FBXO40: variants seen among roughly 807,000 people sequenced by gnomAD.
FBXO40 encodes the protein F-box protein 40.
In FBXO40, 50 loss-of-function variants were observed where a neutral mutation model predicts 49.9. The ratio of observed to expected loss-of-function variants is 1.00; its 90% CI spans 0.80 to 1.27. FBXO40 has a LOEUF of 1.27. Among genes scored for constraint, FBXO40 ranks in the 50% most tolerant of loss-of-function variants. The probability of loss-of-function intolerance (pLI) is 0.00; values close to 1 mark genes in which losing one functional copy is unlikely to be tolerated. For synonymous variants in FBXO40, 340 were observed against 320.2 expected (o/e 1.06, Z -0.66); for missense variants, 895 against 870.1 (o/e 1.03, Z -0.36).
At chr3:121,613,548 T>C (rs997280468) in intron 1 of FBXO40, among the ~76,000 whole-genome samples, 12 of 152,220 alleles carry the variant, frequency 7.9e-5, no homozygotes, top group South Asian at 2.1e-4. Flanking sequence ...TTCTGATTAA[T>C]AGACAAGAGA....
At chr3:121,612,619 A>C (rs1304337300) in intron 1 of FBXO40, among the ~76,000 whole-genome samples, 2 of 152,046 alleles carry the variant, frequency 1.3e-5, no homozygotes. Context: ...TATCCTGACT[A>C]ACCATTAGGA....
chr3:121,619,823 C>T (rs1352094968), intron 1 of FBXO40, among the ~76,000 whole-genome samples: 1 of 152,216 alleles, frequency 6.6e-6, no homozygotes, highest in Non-Finnish European at 1.5e-5. Flanking sequence ...CTTCTAACCA[C>T]TAAACCATAT....
chr3:121,597,655 C>T (rs77707966), intron 1 of FBXO40, among the ~76,000 whole-genome samples: 42 of 101,648 alleles, frequency 4.1e-4, no homozygotes, highest in African/African-American at 1.5e-3. Flanking sequence ...TTATTATAGG[C>T]CCCCTTTTTT....
Position 121,626,903 on chromosome 3 carries a change from T to A in FBXO40, c.2123T>A (p.Val708Asp). The change falls in exon 4 of 4, where the codon GTC becomes GAC. Residue 708 changes from valine to aspartate, a missense_variant. Transcript: ENST00000338040. ...AGAATCAGACCACGAGGAAGATACG[T>A]CTCCTAAAAATTCAGATGCCACTCG... ...TFRIRPRGRYVS is the reference protein window; with the variant it reads ...TFRIRPRGRYDS 6.2e-7 allele frequency: 1 copy of A among 1,614,014 alleles called. No homozygotes were observed. Among genetic ancestry groups the A allele is most frequent in the South Asian group, 1.1e-5 (1 of 91,056 alleles).
At position 121,629,792 on chromosome 3, in the gene FBXO40, A is replaced by G. The variant is rs995122952; in HGVS notation, c.*2882A>G. 1.4e-4 allele frequency: 21 copies of G among 152,274 alleles called. No individual in the cohort carries two copies. The highest frequency in any genetic ancestry group is 5.1e-4 in the African/African-American group (21 of 41,462). The allele number at this position is 152,274 out of a possible 1,614,324, so 9.4% of individuals were successfully genotyped here. ...CCAAAGCCTTTCAGAGAGACTATGGATTAGACAGAAATGATTTGTGAGAGG... is the reference window on the plus strand; with the variant it reads ...CCAAAGCCTTTCAGAGAGACTATGGGTTAGACAGAAATGATTTGTGAGAGG... On this transcript the variant is annotated 3_prime_UTR_variant, in exon 4 of 4. Transcript: ENST00000338040.
intron 1 of FBXO40, among the ~76,000 whole-genome samples, chr3:121,600,102 C>G (rs971519612): frequency 5.9e-5 from 9 of 151,566 alleles, no homozygotes; most frequent in African/African-American, 1.9e-4. Flanking sequence ...ATGATCACGG[C>G]TCACTGTAGC....
At chr3:121,624,656 G>T (rs1169638646) in intron 3 of FBXO40, among the ~76,000 whole-genome samples, 3 of 152,236 alleles carry the variant, frequency 2.0e-5, no homozygotes, top group South Asian at 2.1e-4. Flanking sequence ...CCCCCTGCAT[G>T]GTTCCTCCCC....
At chr3:121,597,157 A>G (rs1384320691) in intron 1 of FBXO40, among the ~76,000 whole-genome samples, 2 of 152,202 alleles carry the variant, frequency 1.3e-5, no homozygotes, top group Non-Finnish European at 2.9e-5. Flanking sequence ...CAATCACAAG[A>G]GAGAAGGCAA....
At chr3:121,603,773 CA>C in intron 1 of FBXO40, among the ~76,000 whole-genome samples, 1 of 152,180 alleles carries the variant, frequency 6.6e-6, no homozygotes, top group Admixed American at 6.5e-5. Flanking sequence ...GGCTGGAGTG[CA>C]GTGGCACGAT....
At chr3:121,615,588 GA>G (rs1449458044) in intron 1 of FBXO40, among the ~76,000 whole-genome samples, 27 of 147,226 alleles carry the variant, frequency 1.8e-4, no homozygotes, top group African/African-American at 6.9e-4. Flanking sequence ...AGAAGAAGAA[GA>G]AAGAAAGAAA....
Position 121,622,265 on chromosome 3 carries a change from G to T in FBXO40, c.836G>T (p.Arg279Leu). 6.2e-7 allele frequency: 1 copy of T among 1,614,196 alleles called. No homozygotes were observed. The highest frequency in any genetic ancestry group is 1.1e-5 in the South Asian group (1 of 91,042). Residue 279 changes from arginine (R) to leucine (L), a missense_variant, in exon 3 of 4, where the codon CGT (arginine) becomes CTT (leucine). Coordinates refer to ENST00000338040, the MANE Select transcript of FBXO40 (RefSeq NM_016298.4). ...GAAAATCAGAAGCAGCAGGACGTTC[G>T]TACAGCCATGGAAACCACAGGGCTT... ...PQENQKQQDV[R>L]TAMETTGLAP... is the part of the protein sequence containing the mutation.
At chr3:121,623,987 CTT>C (rs371355210) in intron 3 of FBXO40, among the ~76,000 whole-genome samples, 25,077 of 95,748 alleles carry the variant, frequency 0.26, 3,196 homozygotes, top group Admixed American at 0.46. Flanking sequence ...TGCACCTGGC[CTT>C]TTTTTTTTTT....
chr3:121,600,933 G>A (rs2048898377), intron 1 of FBXO40, among the ~76,000 whole-genome samples: 1 of 152,220 alleles, frequency 6.6e-6, no homozygotes, highest in African/African-American at 2.4e-5. Flanking sequence ...CACAGGAACA[G>A]AGAAGATTGG....
intron 1 of FBXO40, among the ~76,000 whole-genome samples, chr3:121,619,464 C>G (rs970318660): frequency 1.3e-5 from 2 of 152,152 alleles, no homozygotes; most frequent in African/African-American, 4.8e-5. Flanking sequence ...CACATTTTTC[C>G]TTGGCTCAAA....
At chr3:121,626,052 A>G (rs546652554) in intron 3 of FBXO40, among the ~76,000 whole-genome samples, 2 of 152,362 alleles carry the variant, frequency 1.3e-5, no homozygotes, top group South Asian at 4.1e-4. Flanking sequence ...AATTTCAAGC[A>G]ACAGAAAATC....
intron 1 of FBXO40, among the ~76,000 whole-genome samples, chr3:121,608,593 G>C (rs531920216): frequency 3.9e-4 from 60 of 152,352 alleles, no homozygotes; most frequent in African/African-American, 1.4e-3. Flanking sequence ...GTGTCTAACA[G>C]TAAGGCCTGA....
At chr3:121,597,662 T>A (rs900540881) in intron 1 of FBXO40, among the ~76,000 whole-genome samples, 5 of 144,504 alleles carry the variant, frequency 3.5e-5, no homozygotes, top group Non-Finnish European at 7.6e-5. Flanking sequence ...AGGCCCCCTT[T>A]TTTTTTTTTT....
Position 121,622,847 on chromosome 3 carries a change from C to A in FBXO40, c.1418C>A (p.Ser473Tyr). The A allele has an allele frequency of 6.2e-7, 1 of 1,614,214 alleles. No individual in the cohort carries two copies. The highest frequency in any genetic ancestry group is 8.5e-7 in the Non-Finnish European group (1 of 1,180,040). Residue 473 changes from serine to tyrosine, a missense_variant, in exon 3 of 4, where the codon TCT becomes TAT. Ser to Tyr is a moderately radical substitution (Grantham distance 144, BLOSUM62 -2). Coordinates refer to ENST00000338040, the MANE Select transcript of FBXO40 (RefSeq NM_016298.4). ...ACCAGGAGACACAACAAAAGCAGCT[C>A]TGCCTTCACTTTCACTTGCAACAAA... ...CVTRRHNKSS[S>Y]AFTFTCNKFF...
intron 1 of FBXO40, among the ~76,000 whole-genome samples, chr3:121,617,360 C>A (rs2049002950): frequency 6.6e-6 from 1 of 152,112 alleles, no homozygotes; most frequent in African/African-American, 2.4e-5. Flanking sequence ...CTTTGGGAGG[C>A]TGAGGCGGGC....
Sources: gnomAD v4.1 joint callset for allele counts (sites outside exome capture counted in the v4.1 genomes callset) on GRCh38, gnomAD v4.1.1 for gene constraint, MANE v1.5 for transcripts, NCBI Gene and HGNC (gene_info 2026-07-23, HGNC 2026-07-21) for gene names.